ITPK1: variants seen among roughly 807,000 people sequenced by gnomAD.
ITPK1 encodes the protein inositol 1,3,4-trisphosphate 5/6-kinase.
Under a neutral mutation model 45.3 loss-of-function variants are expected in ITPK1, and 21 were observed. The observed-to-expected ratio is 0.46, with a 90% confidence interval of 0.33 to 0.67. The LOEUF (loss-of-function observed/expected upper bound fraction) is 0.67. Among genes scored for constraint, ITPK1 ranks in the 30% least tolerant of loss-of-function variants. ITPK1 has a pLI of 0.02. For missense variants in ITPK1, 474 were observed against 573.5 expected, an observed-to-expected ratio of 0.83 and a Z score of 1.77; for synonymous variants, 258 against 253.6, an observed-to-expected ratio of 1.02 and a Z score of -0.16.
chr14:92,960,912 GTGAGGGCTCC>G (rs1885038827), intron 7 of ITPK1, among the ~76,000 whole-genome samples: 1 of 152,236 alleles, frequency 6.6e-6, no homozygotes, highest in Admixed American at 6.5e-5. Context: ...GGAAGACTAC[GTGAGGGCTCC>G]TGATTTCAGA....
At chr14:93,048,848 C>G (rs1032968138) in intron 3 of ITPK1, among the ~76,000 whole-genome samples, 13 of 152,150 alleles carry the variant, frequency 8.5e-5, no homozygotes, top group Non-Finnish European at 1.8e-4. Flanking sequence ...ACTCAGGAGA[C>G]TGAGGCACAA....
At chr14:92,973,151 G>A (rs189521225) in intron 5 of ITPK1, among the ~76,000 whole-genome samples, 1 of 152,284 alleles carries the variant, frequency 6.6e-6, no homozygotes, top group Non-Finnish European at 1.5e-5. Flanking sequence ...CACTGCTACC[G>A]AGTTTTGTTG....
chr14:93,074,936 C>A (rs1043181984), intron 3 of ITPK1, among the ~76,000 whole-genome samples: 5 of 152,122 alleles, frequency 3.3e-5, no homozygotes, highest in Non-Finnish European at 4.4e-5. Context: ...CTGCCAAAAC[C>A]AATCAAACAG....
At chr14:93,028,482 A>G (rs1056683545) in intron 3 of ITPK1, among the ~76,000 whole-genome samples, 2 of 152,222 alleles carry the variant, frequency 1.3e-5, no homozygotes, top group Non-Finnish European at 2.9e-5. Context: ...CAAGTCCCAG[A>G]TACTGGAAGC....
Position 93,032,664 on chromosome 14 carries a change from A to C in ITPK1, c.121-15863T>G, listed in dbSNP as rs1889130459. Among the ~76,000 whole-genome samples, 1 of 152,194 alleles carries C rather than the reference A, an allele frequency of 6.6e-6. No homozygotes were observed. Among genetic ancestry groups the C allele is most frequent in the South Asian group, 2.1e-4 (1 of 4,828 alleles). On this transcript the variant is annotated intron_variant, in intron 3 of 10. Coordinates refer to ENST00000267615, the MANE Select transcript of ITPK1 (RefSeq NM_014216.6). The surrounding 1 kb of genome is among the most constrained non-coding windows in gnomAD (Gnocchi z 4.0). ...AATGGGAGGAAGTCCCCCAGGGACC[A>C]CATACACACCATGCTGGGCGGGGCA...
At chr14:93,044,099 T>TG (rs936229018) in intron 3 of ITPK1, among the ~76,000 whole-genome samples, 8 of 139,252 alleles carry the variant, frequency 5.7e-5, no homozygotes, top group African/African-American at 2.1e-4. Flanking sequence ...TGGGAGGGGT[T>TG]GGGGGGGAGG....
rs368103212 is a variant in ITPK1, at chr14:93,094,197, C to T, written c.96-17578G>A. 2.5e-4 allele frequency among the ~76,000 whole-genome samples: 38 copies of T among 152,356 alleles called. No individual in the cohort carries two copies. The East Asian group carries it at 6.6e-3, about 26-fold the overall frequency. On this transcript the variant is annotated intron_variant, in intron 2 of 10. Transcript: ENST00000267615. ...GCCTCCTCCTCCTCTCTCTTCCCTG[C>T]CTAGAGCAGTTCCTTGGAGCAGGGG...
intron 2 of ITPK1, among the ~76,000 whole-genome samples, chr14:93,106,305 G>A (rs1296294946): frequency 6.6e-6 from 1 of 150,608 alleles, no homozygotes; most frequent in African/African-American, 2.4e-5. Context: ...CCCTCGGATG[G>A]GAGGAAGGTC....
intron 2 of ITPK1, among the ~76,000 whole-genome samples, chr14:93,102,267 A>G (rs1448442166): frequency 6.6e-6 from 1 of 152,270 alleles, no homozygotes; most frequent in East Asian, 1.9e-4. Flanking sequence ...CTCCGCAAGC[A>G]CAGGCCACGG....
At chr14:93,089,201 C>A (rs768718720) in intron 2 of ITPK1, among the ~76,000 whole-genome samples, 1 of 152,194 alleles carries the variant, frequency 6.6e-6, no homozygotes, top group Non-Finnish European at 1.5e-5. Context: ...TGAGGAGCAG[C>A]CCCTGAGCAG....
intron 9 of ITPK1, among the ~76,000 whole-genome samples, chr14:92,949,561 A>G (rs1425387062): frequency 1.3e-5 from 2 of 152,196 alleles, no homozygotes; most frequent in Admixed American, 1.3e-4. Flanking sequence ...TGTGTACCCT[A>G]AGCCATAACA....
At chr14:93,081,567 A>C (rs767394574) in intron 2 of ITPK1, among the ~76,000 whole-genome samples, 11 of 152,234 alleles carry the variant, frequency 7.2e-5, no homozygotes, top group Non-Finnish European at 1.5e-4. Flanking sequence ...CCCTTCAGGA[A>C]GTGAAAATAC....
At position 92,958,137 on chromosome 14, in the gene ITPK1, G is replaced by C. The variant is rs1884842286; in HGVS notation, c.670+64C>G. The C allele has an allele frequency of 6.6e-7, 1 of 1,524,874 alleles. No individual in the cohort carries two copies. The highest frequency in any genetic ancestry group is 1.4e-5 in the African/African-American group (1 of 72,984). The allele number at this position is 1,524,874 out of a possible 1,614,324, so 94.5% of individuals were successfully genotyped here. A position where few individuals can be genotyped will look rare whatever the true frequency, so the allele number is the denominator to read the frequency against. On this transcript the variant is annotated intron_variant, in intron 8 of 10. Coordinates refer to ENST00000267615, the MANE Select transcript of ITPK1 (RefSeq NM_014216.6). This position sits in a 1 kb window ranked among gnomAD's most constrained non-coding sequence, Gnocchi z 4.4. Reference sequence around the variant, plus strand: ...GGGCAGTGCCGAAGGACAGACAGCTGCTGCCACATCCCAGCTGGGCCCCTG... The same window carrying C: ...GGGCAGTGCCGAAGGACAGACAGCTCCTGCCACATCCCAGCTGGGCCCCTG...
intron 3 of ITPK1, chr14:93,068,004 CAAA>C (rs11292611): frequency 6.3e-4 from 85 of 134,340 alleles, no homozygotes; most frequent in Admixed American, 6.0e-4. Context: ...AGAGGGGAGG[CAAA>C]AAAAAAAAAA....
intron 4 of ITPK1, among the ~76,000 whole-genome samples, chr14:92,995,679 G>T (rs1887018921): frequency 1.3e-5 from 2 of 152,172 alleles, no homozygotes; most frequent in African/African-American, 4.8e-5. Flanking sequence ...TAAGTGCGAG[G>T]ACCTAGATGC....
At chr14:93,009,333 C>T (rs926521918) in intron 4 of ITPK1, among the ~76,000 whole-genome samples, 4 of 152,186 alleles carry the variant, frequency 2.6e-5, no homozygotes, top group Admixed American at 6.5e-5. Context: ...AAACCCTGAC[C>T]GTCCACACAC....
intron 5 of ITPK1, among the ~76,000 whole-genome samples, chr14:92,963,150 C>A (rs1885179663): frequency 6.6e-6 from 1 of 152,220 alleles, no homozygotes; most frequent in Admixed American, 6.5e-5. Context: ...TACTACCCCA[C>A]CACTGTGGAC....
chr14:92,994,921 C>T (rs1380296576), intron 4 of ITPK1, among the ~76,000 whole-genome samples: 1 of 152,210 alleles, frequency 6.6e-6, no homozygotes, highest in Non-Finnish European at 1.5e-5. Context: ...GGGTGGACCA[C>T]ACCATATGGG....
intron 5 of ITPK1, among the ~76,000 whole-genome samples, chr14:92,967,067 G>C (rs1885410441): frequency 6.6e-6 from 1 of 152,166 alleles, no homozygotes; most frequent in South Asian, 2.1e-4. Flanking sequence ...AAAAGCAAAA[G>C]CAACCCAAGG....
Sources: allele counts gnomAD v4.1 joint callset (sites outside exome capture counted in the v4.1 genomes callset), GRCh38; gene constraint gnomAD v4.1.1; non-coding constraint Gnocchi (gnomAD v3.1); transcripts MANE v1.5; gene names NCBI Gene and HGNC (gene_info 2026-07-23, HGNC 2026-07-21).